The following KNG1 variants were observed in gnomAD, a reference collection of about 807,000 sequenced individuals.
KNG1 encodes kininogen 1, also known as kininogen-1.
KNG1 carries 23 observed loss-of-function variants against 47.8 expected under a neutral mutation model. The ratio of observed to expected loss-of-function variants is 0.48; its 90% CI spans 0.35 to 0.68. The LOEUF is 0.68. Ranked by LOEUF, KNG1 falls within the 30% of genes least tolerant of loss-of-function variation. The pLI is 0.01. For missense variants in KNG1, 762 were observed against 790.2 expected, an observed-to-expected ratio of 0.96 and a Z score of 0.43; for synonymous variants, 277 against 277.0, an observed-to-expected ratio of 1.00 and a Z score of 0.00.
chr3:186,720,298 A>G, intron 2 of KNG1, 83 bp downstream of exon 2: 1 of 832,292 alleles, frequency 1.2e-6, no homozygotes, highest in Non-Finnish European at 2.1e-6. Flanking sequence ...AATGATGGCT[A>G]CTGGTGAGCC....
intron 3 of KNG1, among the ~76,000 whole-genome samples, chr3:186,722,879 T>C (rs1418012240): frequency 1.3e-5 from 2 of 152,338 alleles, no homozygotes; most frequent in East Asian, 3.9e-4. Context: ...CAGAGCTCCT[T>C]GCCTTCTTGC....
intron 3 of KNG1, among the ~76,000 whole-genome samples, chr3:186,724,704 T>C (rs1720299706): frequency 6.6e-6 from 1 of 152,090 alleles, no homozygotes; most frequent in African/African-American, 2.4e-5. Context: ...TTTCTTTTTT[T>C]TTTTCTTTTG....
At position 186,743,462 on chromosome 3, in the gene KNG1, T is replaced by G. The variant is rs2108639709; in HGVS notation, c.*1131T>G. The G allele has an allele frequency of 5.8e-6, 3 of 516,008 alleles. No homozygotes were observed. The South Asian group carries it at 6.2e-5, about 11-fold the overall frequency. 32.0% of individuals were successfully genotyped at this position (516,008 alleles called of 1,614,324 possible). On this transcript the variant is annotated 3_prime_UTR_variant, in exon 10 of 10. Transcript: ENST00000644859. Reference sequence around the variant, plus strand: ...TTATAACCAATGTTGTACTTTTGCCTAGAAAAACAAGATATGGCTTTAAAT... The same window carrying G: ...TTATAACCAATGTTGTACTTTTGCCGAGAAAAACAAGATATGGCTTTAAAT...
intron 4 of KNG1, among the ~76,000 whole-genome samples, chr3:186,725,938 C>A (rs1223618240): frequency 6.0e-5 from 9 of 149,772 alleles, no homozygotes; most frequent in Non-Finnish European, 1.0e-4. Flanking sequence ...AGTATATATC[C>A]GTAATTTTTT....
intron 1 of KNG1, among the ~76,000 whole-genome samples, chr3:186,719,107 T>C (rs1720110006): frequency 6.6e-6 from 1 of 152,204 alleles, no homozygotes; most frequent in African/African-American, 2.4e-5. Flanking sequence ...CATAATCTAG[T>C]ACAGTCATGT....
chr3:186,729,491 CA>C (rs1417443836), intron 5 of KNG1, among the ~76,000 whole-genome samples: 8 of 152,128 alleles, frequency 5.3e-5, no homozygotes, highest in Admixed American at 2.6e-4. Context: ...AAACACTGTT[CA>C]CCCTTTAAAA....
rs576658317 is a variant in KNG1 at position 186,723,810 on chromosome 3, C to T, written c.392-1278C>T. Reference sequence around the variant, plus strand: ...GCTGGGATTATGGGCATCGCCACCACGCCCGGATAATTTTTGTGTTTTTAG... The same window carrying T: ...GCTGGGATTATGGGCATCGCCACCATGCCCGGATAATTTTTGTGTTTTTAG... On this transcript the variant is annotated intron_variant, in intron 3 of 9. Coordinates refer to ENST00000644859, the MANE Select transcript of KNG1 (RefSeq NM_001102416.3). 4.6e-5 allele frequency among the ~76,000 whole-genome samples: 7 copies of T among 152,108 alleles called. No individual in the cohort carries two copies. The East Asian group carries it at 7.8e-4, about 17-fold the overall frequency.
Position 186,744,188 on chromosome 3 carries a change from T to C in KNG1, c.*1857T>C, listed in dbSNP as rs1720883141. The C allele has an allele frequency of 4.5e-6, 1 of 222,552 alleles. No individual in the cohort carries two copies. The highest frequency in any genetic ancestry group is 9.1e-6 in the Non-Finnish European group (1 of 109,954). The allele number at this position is 222,552 out of a possible 1,614,324, so 13.8% of individuals were successfully genotyped here. ...TCTCTCCTTCTCTTCTTCCTCTTTC[T>C]CCAGATTTCCAAGCCTTAGCTAAGA... On this transcript the variant is annotated 3_prime_UTR_variant, in exon 10 of 10. Transcript: ENST00000644859.
intron 5 of KNG1, 46 bp downstream of exon 5, chr3:186,727,390 A>G: frequency 7.9e-7 from 1 of 1,260,764 alleles, no homozygotes; most frequent in South Asian, 1.2e-5. Flanking sequence ...CATTTTGTTT[A>G]CATTTTGTGG....
Position 186,741,380 on chromosome 3 carries a change from G to GA in KNG1, c.1126-140dup, listed in dbSNP as rs1213284289. The GA allele has an allele frequency of 4.4e-6, 3 of 682,682 alleles. No individual in the cohort carries two copies. In the African/African-American group the frequency reaches 5.4e-5, roughly 12 times the overall value. 42.3% of individuals were successfully genotyped at this position (682,682 alleles called of 1,614,324 possible). The stretch of plus-strand genomic sequence containing the variant: ...CAAAAAAAATTATTCATCCTTTCTG[G>GA]AATGTTAATATAGCATTTAAAATCT... On this transcript the variant is annotated intron_variant, in intron 9 of 9. Coordinates refer to ENST00000644859, the MANE Select transcript of KNG1 (RefSeq NM_001102416.3).
In KNG1 at chr3:186,722,117, CAAAAAAAAAA is replaced by C. The variant is rs56170982; in HGVS notation, c.307-305_307-296del. 445 of 142,980 alleles carry C rather than the reference CAAAAAAAAAA, an allele frequency of 3.1e-3. 4 individuals are homozygous for C. Among genetic ancestry groups the C allele is most frequent in the Admixed American group, 0.027 (306 of 11,258 alleles). 8.9% of individuals were successfully genotyped at this position (142,980 alleles called of 1,614,324 possible). A position where few individuals can be genotyped will look rare whatever the true frequency, so the allele number is the denominator to read the frequency against. ...GGGTAACAAAAGCAACACTCTGTCTCAAAAAAAAAAAAAAAAAAAAAAAATAGGAAACAAA... is the reference window on the plus strand; with the variant it reads ...GGGTAACAAAAGCAACACTCTGTCTCAAAAAAAAAAAAAATAGGAAACAAA... On this transcript the variant is annotated intron_variant, in intron 2 of 9. Transcript: ENST00000644859.
At chr3:186,724,777 C>A (rs1173509966) in intron 3 of KNG1, among the ~76,000 whole-genome samples, 1 of 151,942 alleles carries the variant, frequency 6.6e-6, no homozygotes, top group Non-Finnish European at 1.5e-5. Context: ...CTCACTGCAA[C>A]CTCCGTCTCC....
chr3:186,742,658 A>G lies in KNG1; in HGVS notation c.*327A>G. ...ATGTACCTTACAACATATGTCATGA[A>G]TTTGCATACAAAGATTCTTGTCATT... On this transcript the variant is annotated 3_prime_UTR_variant, in exon 10 of 10. Coordinates refer to ENST00000644859, the MANE Select transcript of KNG1 (RefSeq NM_001102416.3). 9.2e-7 allele frequency: 1 copy of G among 1,092,820 alleles called. No individual in the cohort carries two copies. Among genetic ancestry groups the G allele is most frequent in the Non-Finnish European group, 1.1e-6 (1 of 898,074 alleles). The allele number at this position is 1,092,820 out of a possible 1,614,324, so 67.7% of individuals were successfully genotyped here.
intron 1 of KNG1, among the ~76,000 whole-genome samples, chr3:186,719,658 G>T (rs1241715911): frequency 6.6e-6 from 1 of 151,630 alleles, no homozygotes; most frequent in Non-Finnish European, 1.5e-5. Context: ...GAACCCGGGA[G>T]GCAGAGCTTG....
At chr3:186,725,409 A>T in intron 4 of KNG1, 149 bp downstream of exon 4, 1 of 739,412 alleles carries the variant, frequency 1.4e-6, no homozygotes, top group Non-Finnish European at 2.3e-6. Context: ...TGAGTCGGAT[A>T]GTGCAATATG....
At chr3:186,720,409 G>C (rs1720155922) in intron 2 of KNG1, 194 bp downstream of exon 2, 1 of 575,480 alleles carries the variant, frequency 1.7e-6, no homozygotes, top group Non-Finnish European at 3.1e-6. Context: ...GAAGCCAGCA[G>C]TTAAACATGG....
In KNG1 at chr3:186,731,401, TAA is replaced by T. The variant is rs1720528991; in HGVS notation, c.673-143_673-142del. ...TATTACCTTAGTATCTCTTTTGCAG[TAA>T]GACTATGTTTTGCTTCTTTCTTTTT... On this transcript the variant is annotated intron_variant, in intron 5 of 9. Coordinates refer to ENST00000644859, the MANE Select transcript of KNG1 (RefSeq NM_001102416.3). 4.7e-6 allele frequency: 3 copies of T among 644,956 alleles called. No individual in the cohort carries two copies. In the Admixed American group the frequency reaches 6.9e-5, roughly 15 times the overall value. 40.0% of individuals were successfully genotyped at this position (644,956 alleles called of 1,614,324 possible).
At position 186,720,444 on chromosome 3, in the gene KNG1, G is replaced by A. The variant is rs1242864985; in HGVS notation, c.306+229G>A. 25 of 558,696 alleles carry A rather than the reference G, an allele frequency of 4.5e-5. No homozygotes were observed. The South Asian group carries it at 5.1e-4, about 11-fold the overall frequency. The allele number at this position is 558,696 out of a possible 1,614,324, so 34.6% of individuals were successfully genotyped here. On this transcript the variant is annotated intron_variant, in intron 2 of 9. Transcript: ENST00000644859. ...GAGAAAGCCTTTCCATGAGAAGGGG[G>A]CTCTAGTGTCCAGCCAGAACATGTG...
chr3:186,741,151 G>T (rs1720801244), intron 9 of KNG1, among the ~76,000 whole-genome samples: 1 of 151,902 alleles, frequency 6.6e-6, no homozygotes, highest in Admixed American at 6.6e-5. Context: ...GTGCCACCAT[G>T]CCCAGCTAAT....
Sources: allele counts gnomAD v4.1 joint callset (sites outside exome capture counted in the v4.1 genomes callset), GRCh38; gene constraint gnomAD v4.1.1; transcripts MANE v1.5; gene names NCBI Gene and HGNC (gene_info 2026-07-23, HGNC 2026-07-21).